The following ERAP1 variants were observed in gnomAD, a reference collection of about 807,000 sequenced individuals.
ERAP1 encodes endoplasmic reticulum aminopeptidase 1.
ERAP1 carries 86 observed loss-of-function variants against 103.7 expected under a neutral mutation model. The ratio of observed to expected loss-of-function variants is 0.83; its 90% CI spans 0.70 to 0.99. The LOEUF is 0.99. Among genes scored for constraint, ERAP1 ranks in the 50% least tolerant of loss-of-function variants. The pLI, the probability that ERAP1 is intolerant of heterozygous loss-of-function variation, is 0.00. For missense variants in ERAP1, 1,009 were observed against 1,128.4 expected (o/e 0.89, Z 1.52); for synonymous variants, 398 against 402.4 (o/e 0.99, Z 0.13).
the ERAP1 span, among the ~76,000 whole-genome samples, chr5:96,929,239 T>A: frequency 6.6e-6 from 1 of 152,190 alleles, no homozygotes; most frequent in Admixed American, 6.5e-5. Flanking sequence ...TGATAAACTT[T>A]CACTCCTGCT....
the ERAP1 span, chr5:96,909,121 T>G: frequency 6.2e-7 from 1 of 1,613,718 alleles, no homozygotes; most frequent in East Asian, 2.2e-5. Context: ...CCTCAAGGTT[T>G]GTGTTGCTTT....
At chr5:96,887,611 T>C in the ERAP1 span, among the ~76,000 whole-genome samples, 1 of 152,184 alleles carries the variant, frequency 6.6e-6, no homozygotes, top group Admixed American at 6.5e-5. Context: ...TTTCCAACTG[T>C]TTTTTATAAC....
chr5:96,885,583 T>C, the ERAP1 span, among the ~76,000 whole-genome samples: 1 of 152,336 alleles, frequency 6.6e-6, no homozygotes, highest in South Asian at 2.1e-4. Flanking sequence ...ATGGTAATGC[T>C]TCAAGCTATT....
chr5:96,802,802 T>C (rs1778143647), intron 2 of ERAP1, among the ~76,000 whole-genome samples: 1 of 152,114 alleles, frequency 6.6e-6, no homozygotes, highest in Admixed American at 6.6e-5. Flanking sequence ...TGGGCCCTAA[T>C]CTGGTATGTC....
chr5:96,788,449 G>A (rs765128028), intron 11 of ERAP1, 82 bp downstream of exon 11: 1 of 1,503,736 alleles, frequency 6.7e-7, no homozygotes, highest in Non-Finnish European at 9.2e-7. Context: ...AGTGGTAAGG[G>A]CATTATTTCA....
chr5:96,836,901 T>C, the ERAP1 span, among the ~76,000 whole-genome samples: 3 of 152,220 alleles, frequency 2.0e-5, no homozygotes, highest in African/African-American at 7.2e-5. Flanking sequence ...ATAATGATAA[T>C]GCAAATCAGA....
At chr5:96,880,126 A>T in the ERAP1 span, 21 of 1,614,160 alleles carry the variant, frequency 1.3e-5, no homozygotes, top group Non-Finnish European at 1.7e-5. Flanking sequence ...CTCATGAACA[A>T]ATTGCACTGC....
the ERAP1 span, among the ~76,000 whole-genome samples, chr5:96,927,799 TATC>T: frequency 6.6e-6 from 1 of 152,254 alleles, no homozygotes; most frequent in Non-Finnish European, 1.5e-5. Flanking sequence ...ATTTATCTTT[TATC>T]ATTAAATTTA....
intron 4 of ERAP1, among the ~76,000 whole-genome samples, chr5:96,795,415 GA>G (rs765288121): frequency 2.6e-5 from 4 of 152,182 alleles, no homozygotes; most frequent in Non-Finnish European, 4.4e-5. Flanking sequence ...AAATGAGAAA[GA>G]AAGATTTAGA....
the ERAP1 span, chr5:96,879,591 T>C: frequency 1.1e-6 from 1 of 912,070 alleles, no homozygotes; most frequent in Non-Finnish European, 1.7e-6. Flanking sequence ...AAAATATTGT[T>C]CAGACCCCAT....
chr5:96,916,074 A>T, the ERAP1 span, among the ~76,000 whole-genome samples: 4 of 152,080 alleles, frequency 2.6e-5, no homozygotes, highest in Admixed American at 1.3e-4. Context: ...TACAAAAATT[A>T]GCAGAATGTG....
chr5:96,818,893 C>CATTTATTT, the ERAP1 span, among the ~76,000 whole-genome samples: 1,630 of 141,808 alleles, frequency 0.011, 12 homozygotes, highest in African/African-American at 0.019. Context: ...ACCTGAACTG[C>CATTTATTT]ATTTATTTAT....
the ERAP1 span, among the ~76,000 whole-genome samples, chr5:96,841,792 A>T: frequency 2.3e-5 from 3 of 131,344 alleles, no homozygotes; most frequent in Non-Finnish European, 3.3e-5. Context: ...TACTCTTAAA[A>T]TTTTTTTCAT....
the ERAP1 span, among the ~76,000 whole-genome samples, chr5:96,827,664 A>AAAATAAAT: frequency 3.4e-3 from 507 of 150,976 alleles, 28 homozygotes; most frequent in East Asian, 0.063. Context: ...GACTCATCTC[A>AAAATAAAT]AAATAAATAA....
At chr5:96,767,970 A>G in intron 19 of ERAP1, 3 of 1,613,184 alleles carry the variant, frequency 1.9e-6, no homozygotes, top group African/African-American at 1.3e-5. Flanking sequence ...CTGTCCCTCC[A>G]CTACAGAAAC....
the ERAP1 span, among the ~76,000 whole-genome samples, chr5:96,920,582 T>C: frequency 3.4e-3 from 522 of 152,360 alleles, 2 homozygotes; most frequent in African/African-American, 0.012. Flanking sequence ...ACCTGAACAC[T>C]AATGTCTACC....
At chr5:96,820,804 C>A in the ERAP1 span, among the ~76,000 whole-genome samples, 9 of 152,288 alleles carry the variant, frequency 5.9e-5, no homozygotes, top group East Asian at 1.5e-3. Context: ...TTCAGAGATA[C>A]CACTCTCATA....
chr5:96,803,981 A>T, intron 1 of ERAP1, 38 bp from the exon 2 acceptor site: 1 of 1,592,344 alleles, frequency 6.3e-7, no homozygotes, highest in Non-Finnish European at 8.5e-7. Context: ...AATATATGTC[A>T]TTAAAATGTT....
the ERAP1 span, chr5:96,883,950 CTT>C: frequency 6.5e-7 from 1 of 1,548,046 alleles, no homozygotes; most frequent in Non-Finnish European, 8.7e-7. Flanking sequence ...CTTCCAGAAA[CTT>C]TTAGAAATTG....
Sources: allele counts gnomAD v4.1 joint callset (sites outside exome capture counted in the v4.1 genomes callset), GRCh38; gene constraint gnomAD v4.1.1; transcripts MANE v1.5; gene names NCBI Gene and HGNC (gene_info 2026-07-23, HGNC 2026-07-21).